INTS6: variants seen among roughly 807,000 people sequenced by gnomAD.
INTS6 encodes the protein integrator complex subunit 6.
Under a neutral mutation model 104.9 loss-of-function variants are expected in INTS6, and 16 were observed. The observed-to-expected ratio is 0.15, with a 90% CI of 0.10 to 0.23. INTS6 has a LOEUF of 0.23. Among genes scored for constraint, INTS6 ranks in the 10% least tolerant of loss-of-function variants. The pLI, the probability that INTS6 is intolerant of heterozygous loss-of-function variation, is 1.00. For missense variants in INTS6, 584 were observed against 1,062.8 expected, an observed-to-expected ratio of 0.55 and a Z score of 6.26; for synonymous variants, 324 against 358.7, an observed-to-expected ratio of 0.90 and a Z score of 1.09.
chr13:51,425,211 T>A (rs1566241047), intron 4 of INTS6, among the ~76,000 whole-genome samples: 1 of 152,050 alleles, frequency 6.6e-6, no homozygotes, highest in Non-Finnish European at 1.5e-5. Context: ...GGTGGACTTT[T>A]GCATCCATTT....
chr13:51,430,859 T>C (rs1593755854), intron 3 of INTS6, among the ~76,000 whole-genome samples: 1 of 152,120 alleles, frequency 6.6e-6, no homozygotes, highest in Non-Finnish European at 1.5e-5. Flanking sequence ...ACTAGGTAAA[T>C]GATTTGAAAG....
rs1955580590 is a variant in INTS6 at position 51,361,705 on chromosome 13, T to G, written c.*4047A>C. 2 of 998,952 alleles carry G rather than the reference T, an allele frequency of 2.0e-6. No homozygotes were observed. The highest frequency in any genetic ancestry group is 1.8e-5 in the South Asian group (1 of 56,770). 61.9% of individuals were successfully genotyped at this position (998,952 alleles called of 1,614,324 possible). ...CACAACAGTAAACAATCAAATGCCA[T>G]TAGGATGCTTTGATTTCTTAAAAAA... On this transcript the variant is annotated 3_prime_UTR_variant, in exon 18 of 18. Coordinates refer to ENST00000311234, the MANE Select transcript of INTS6 (RefSeq NM_012141.3).
At chr13:51,441,108 GATGAGAA>G (rs1414098137) in intron 3 of INTS6, 1 of 152,052 alleles carries the variant, frequency 6.6e-6, no homozygotes, top group African/African-American at 2.4e-5. Flanking sequence ...CAATTCTATG[GATGAGAA>G]ACTTGATGCT....
chr13:51,382,847 C>T (rs558063269), intron 9 of INTS6, among the ~76,000 whole-genome samples: 108 of 152,326 alleles, frequency 7.1e-4, no homozygotes, highest in African/African-American at 2.4e-3. Flanking sequence ...GAGGCCAAGG[C>T]GGGCGGATCA....
At chr13:51,402,634 C>T (rs947115927) in intron 4 of INTS6, 7 of 152,104 alleles carry the variant, frequency 4.6e-5, no homozygotes, top group African/African-American at 1.2e-4. Flanking sequence ...AAATATCTTA[C>T]GTCATCATCT....
intron 4 of INTS6, 129 bp from the exon 5 acceptor site, chr13:51,395,612 A>G: frequency 2.6e-6 from 2 of 772,130 alleles, no homozygotes; most frequent in Non-Finnish European, 4.0e-6. Context: ...TCAAATATAA[A>G]AGCTTACTTG....
In INTS6 at chr13:51,453,010, T is replaced by C; in HGVS notation, c.-485A>G. On this transcript the variant is annotated 5_prime_UTR_variant, in exon 1 of 18. Coordinates refer to ENST00000311234, the MANE Select transcript of INTS6 (RefSeq NM_012141.3). ...CTCCGCACCCCGGCGGTGTCACCAC[T>C]TTCTCAGCCCCTCTCGCTACTGAAG... 1 of 1,012,640 alleles carries C rather than the reference T, an allele frequency of 9.9e-7. No individual in the cohort carries two copies. 62.7% of individuals were successfully genotyped at this position (1,012,640 alleles called of 1,614,324 possible).
chr13:51,335,672 G>A, the INTS6 span: 6 of 152,178 alleles, frequency 3.9e-5, no homozygotes, highest in African/African-American at 9.6e-5. Flanking sequence ...TTGCGCTGGC[G>A]AGGAGTTAAA....
chr13:51,446,409 T>G (rs879169652), intron 3 of INTS6: 1 of 152,174 alleles, frequency 6.6e-6, no homozygotes, highest in Non-Finnish European at 1.5e-5. Flanking sequence ...CAGAAAATTG[T>G]GTTAGTGAAG....
In INTS6 at chr13:51,371,597, C is replaced by T. The variant is rs115709257; in HGVS notation, c.2105-2287G>A. On this transcript the variant is annotated intron_variant, in intron 15 of 17. Coordinates refer to ENST00000311234, the MANE Select transcript of INTS6 (RefSeq NM_012141.3). ...CCAGACTTGCATTTGGAATCATGAG[C>T]GCTGCTGGAGAAATAGGGCCCAGCT... Among the ~76,000 whole-genome samples the T allele has an allele frequency of 2.9e-3, 441 of 152,096 alleles. 2 individuals are homozygous for T. Among genetic ancestry groups the T allele is most frequent in the African/African-American group, 9.2e-3 (381 of 41,486 alleles).
intron 3 of INTS6, chr13:51,437,855 A>G (rs1360272733): frequency 6.6e-6 from 1 of 152,202 alleles, no homozygotes; most frequent in Non-Finnish European, 1.5e-5. Context: ...CTAAAAATAC[A>G]AAAATTAGTC....
intron 13 of INTS6, among the ~76,000 whole-genome samples, chr13:51,375,635 C>G (rs1435934243): frequency 1.3e-5 from 2 of 152,070 alleles, no homozygotes; most frequent in Non-Finnish European, 2.9e-5. Flanking sequence ...TGTCATGAAA[C>G]TGGCCATCCA....
chr13:51,361,060 A>AAGAC, downstream of INTS6, among the ~76,000 whole-genome samples: 1 of 152,054 alleles, frequency 6.6e-6, no homozygotes, highest in Non-Finnish European at 1.5e-5. Context: ...TATATAACAA[A>AAGAC]TTAAAGTTTG....
rs1263038402 is a variant in INTS6 at position 51,387,376 on chromosome 13, T to C, written c.894+10A>G. The C allele has an allele frequency of 2.5e-6, 4 of 1,606,660 alleles. No individual in the cohort carries two copies. In the East Asian group the frequency reaches 9.0e-5, roughly 36 times the overall value. ...GTTACTATTACATAGTTACAGTCTC[T>C]GGTACTTACTAGTGTTGGCGAATTT... On this transcript the variant is annotated intron_variant, in intron 7 of 17. Coordinates refer to ENST00000311234, the MANE Select transcript of INTS6 (RefSeq NM_012141.3).
intron 2 of INTS6, chr13:51,451,521 T>TA (rs1358689573): frequency 1.9e-5 from 3 of 160,512 alleles, no homozygotes; most frequent in Non-Finnish European, 4.1e-5. Flanking sequence ...CCGGCCCTCT[T>TA]AGGACGAATC....
intron 3 of INTS6, among the ~76,000 whole-genome samples, chr13:51,434,560 C>A (rs116164609): frequency 6.6e-6 from 1 of 152,016 alleles, no homozygotes; most frequent in Non-Finnish European, 1.5e-5. Context: ...TCAGTTACTA[C>A]AAAAATTAGA....
At chr13:51,448,124 T>C (rs907907294) in intron 3 of INTS6, 3 of 152,182 alleles carry the variant, frequency 2.0e-5, no homozygotes, top group African/African-American at 7.2e-5. Context: ...AATTAACTCA[T>C]CTACATATAA....
chr13:51,348,443 T>C, the INTS6 span: 4 of 1,588,792 alleles, frequency 2.5e-6, no homozygotes, highest in African/African-American at 1.3e-5. Flanking sequence ...ACAGGTGCTG[T>C]GCAGCCAGCA....
intron 3 of INTS6, chr13:51,438,500 T>TAAAGGAA (rs903123778): frequency 6.6e-6 from 1 of 152,232 alleles, no homozygotes; most frequent in Non-Finnish European, 1.5e-5. Context: ...TAAAGCTCAT[T>TAAAGGAA]AAAATGGAAA....
Sources: allele counts gnomAD v4.1 joint callset (sites outside exome capture counted in the v4.1 genomes callset), GRCh38; gene constraint gnomAD v4.1.1; transcripts MANE v1.5; gene names NCBI Gene and HGNC (gene_info 2026-07-23, HGNC 2026-07-21).